Variants in RYR2 observed in about 807,000 individuals in gnomAD.
RYR2 encodes the protein ryanodine receptor 2.
A neutral mutation model predicts 601.1 loss-of-function variants in RYR2; 227 were observed. The observed-to-expected ratio is 0.38, with a 90% CI of 0.34 to 0.42. The LOEUF is 0.42. Among genes scored for constraint, RYR2 ranks in the 10% least tolerant of loss-of-function variants. The pLI, the probability that RYR2 is intolerant of heterozygous loss-of-function variation, is 1.00. For missense variants in RYR2, 4,646 were observed against 6,156.5 expected (o/e 0.75, Z 8.21); for synonymous variants, 2,223 against 2,175.1 (o/e 1.02, Z -0.61).
chr1:237,174,414 C>T (rs1677781446), intron 1 of RYR2, among the ~76,000 whole-genome samples: 1 of 152,190 alleles, frequency 6.6e-6, no homozygotes, highest in Admixed American at 6.5e-5. Context: ...ATCCTTAGTC[C>T]TTTCCTCCTA....
chr1:237,806,379 T>C, intron 99 of RYR2, 96 bp downstream of exon 99: 2 of 1,241,410 alleles, frequency 1.6e-6, no homozygotes, highest in Non-Finnish European at 2.2e-6. Flanking sequence ...CAATGTACAG[T>C]TTTAAAGATT....
At chr1:237,745,378 A>C (rs1691985422) in intron 80 of RYR2, among the ~76,000 whole-genome samples, 1 of 152,180 alleles carries the variant, frequency 6.6e-6, no homozygotes, top group Non-Finnish European at 1.5e-5. Flanking sequence ...TTGAGGGATG[A>C]AAATATGAAG....
intron 2 of RYR2, among the ~76,000 whole-genome samples, chr1:237,274,211 G>A (rs1273750862): frequency 2.7e-5 from 4 of 150,612 alleles, no homozygotes; most frequent in Admixed American, 6.6e-5. Flanking sequence ...TATATCCTAT[G>A]TATATGTGTA....
chr1:237,483,777 G>A (rs1205968433), intron 17 of RYR2, among the ~76,000 whole-genome samples: 1 of 152,032 alleles, frequency 6.6e-6, no homozygotes, highest in Admixed American at 6.6e-5. Context: ...ATTACTCAGA[G>A]CTAAAAGACA....
At chr1:237,212,922 C>T (rs910583278) in intron 1 of RYR2, among the ~76,000 whole-genome samples, 10 of 152,020 alleles carry the variant, frequency 6.6e-5, no homozygotes, top group African/African-American at 2.2e-4. Flanking sequence ...CAGGCACCCA[C>T]CACCACGCCT....
At chr1:237,305,416 A>G (rs996322695) in intron 2 of RYR2, among the ~76,000 whole-genome samples, 1 of 152,220 alleles carries the variant, frequency 6.6e-6, no homozygotes, top group Non-Finnish European at 1.5e-5. Flanking sequence ...TTCTAGTTAT[A>G]TAAAGGGCAG....
intron 60 of RYR2, among the ~76,000 whole-genome samples, chr1:237,677,016 G>C (rs751367608): frequency 7.2e-5 from 11 of 152,102 alleles, no homozygotes; most frequent in Non-Finnish European, 1.6e-4. Flanking sequence ...AATGAAATTT[G>C]CAAGTGTTAA....
At chr1:237,714,729 G>A (rs766909549) in intron 71 of RYR2, among the ~76,000 whole-genome samples, 23 of 152,062 alleles carry the variant, frequency 1.5e-4, no homozygotes, top group African/African-American at 2.9e-4. Flanking sequence ...GGTGGCTCAC[G>A]CCTGTAATCC....
intron 27 of RYR2, among the ~76,000 whole-genome samples, chr1:237,557,733 C>T (rs1671051994): frequency 6.6e-6 from 1 of 151,876 alleles, no homozygotes; most frequent in South Asian, 2.1e-4. Flanking sequence ...AATTATTTGG[C>T]ATTTAGAAGT....
At position 237,773,502 on chromosome 1, in the gene RYR2, A is replaced by G. The variant is rs772991575; in HGVS notation, c.11647-18A>G. On this transcript the variant is annotated intron_variant, in intron 86 of 104. Transcript: ENST00000366574. Reference sequence around the variant, plus strand: ...AGAATGTGACTTGATAATAAATAATATCATCTCTATTTCCCAGGAATCAAT... The same window carrying G: ...AGAATGTGACTTGATAATAAATAATGTCATCTCTATTTCCCAGGAATCAAT... 56 of 1,549,996 alleles carry G rather than the reference A, an allele frequency of 3.6e-5. No individual in the cohort carries two copies. Among genetic ancestry groups the G allele is most frequent in the Non-Finnish European group, 4.5e-5 (51 of 1,123,124 alleles).
In RYR2 at chr1:237,148,563, CATAT is replaced by C. The variant is rs142304279; in HGVS notation, c.48+106006_48+106009del. Among the ~76,000 whole-genome samples the C allele has an allele frequency of 1.3e-3, 107 of 82,392 alleles. 2 individuals are homozygous for C. Among genetic ancestry groups the C allele is most frequent in the African/African-American group, 3.4e-3 (87 of 25,970 alleles). The allele number at this position is 82,392 out of a possible 152,430, so 54.1% of individuals were successfully genotyped here. On this transcript the variant is annotated intron_variant, in intron 1 of 104. Transcript: ENST00000366574. ...ATATATATATATATATACACACACA[CATAT>C]ATATATATATACACACACATATATA...
chr1:237,198,561 T>C (rs1159487152), intron 1 of RYR2, among the ~76,000 whole-genome samples: 2 of 151,934 alleles, frequency 1.3e-5, no homozygotes, highest in East Asian at 3.9e-4. Flanking sequence ...TTTCCTCAAA[T>C]AGTTTTTCAC....
At chr1:237,154,991 G>A (rs1341915362) in intron 1 of RYR2, among the ~76,000 whole-genome samples, 3 of 152,022 alleles carry the variant, frequency 2.0e-5, no homozygotes, top group African/African-American at 7.2e-5. Context: ...CTAAGCTTCA[G>A]ATGCCACTGG....
chr1:237,365,617 A>G (rs952770655), intron 5 of RYR2, among the ~76,000 whole-genome samples: 1 of 152,262 alleles, frequency 6.6e-6, no homozygotes, highest in East Asian at 1.9e-4. Context: ...ATTTAAAACA[A>G]CAGCAAAATA....
chr1:237,639,234 C>T (rs1362127384), intron 46 of RYR2, 33 bp downstream of exon 46: 2 of 1,555,020 alleles, frequency 1.3e-6, no homozygotes, highest in Admixed American at 1.9e-5. Flanking sequence ...CACGAGTGAT[C>T]CATACTACTT....
intron 6 of RYR2, among the ~76,000 whole-genome samples, chr1:237,373,678 A>G (rs1700814150): frequency 6.6e-6 from 1 of 152,224 alleles, no homozygotes; most frequent in Admixed American, 6.5e-5. Context: ...GTCCAAGAAT[A>G]TACAGTTAGG....
Position 237,440,199 on chromosome 1 carries a change from GA to G in RYR2, c.1006-1115del, listed in dbSNP as rs533775080. The stretch of plus-strand genomic sequence containing the variant: ...TATTAATACATTATGCAAATGACAT[GA>G]AAAATCTGTTAAACCTTGGGGTTAT... On this transcript the variant is annotated intron_variant, in intron 12 of 104. Transcript: ENST00000366574. 7.2e-5 allele frequency among the ~76,000 whole-genome samples: 11 copies of G among 152,208 alleles called. No homozygotes were observed. The South Asian group carries it at 2.3e-3, about 32-fold the overall frequency.
chr1:237,329,413 G>A (rs953901139), intron 2 of RYR2, among the ~76,000 whole-genome samples: 5 of 151,880 alleles, frequency 3.3e-5, no homozygotes, highest in African/African-American at 1.2e-4. Context: ...AGGCCGAGGT[G>A]GGGCGGATCA....
rs1048330196 is a variant in RYR2 at position 237,742,245 on chromosome 1, T to C, written c.11092-51T>C. 13 of 1,282,440 alleles carry C rather than the reference T, an allele frequency of 1.0e-5. No individual in the cohort carries two copies. In the Admixed American group the frequency reaches 1.2e-4, roughly 12 times the overall value. The allele number at this position is 1,282,440 out of a possible 1,614,324, so 79.4% of individuals were successfully genotyped here. A position where few individuals can be genotyped will look rare whatever the true frequency, so the allele number is the denominator to read the frequency against. On this transcript the variant is annotated intron_variant, in intron 79 of 104. Transcript: ENST00000366574. ...ATGTCTAATGTTCTTTTGCACTTTC[T>C]AAAATCTCAACATATTCCTGTCTCC...
Sources: allele counts gnomAD v4.1 joint callset (sites outside exome capture counted in the v4.1 genomes callset), GRCh38; gene constraint gnomAD v4.1.1; transcripts MANE v1.5; gene names NCBI Gene and HGNC (gene_info 2026-07-23, HGNC 2026-07-21).